ACOT7: variants seen among roughly 807,000 people sequenced by gnomAD.
ACOT7 encodes the protein acyl-CoA thioesterase 7.
Under a neutral mutation model 40.2 loss-of-function variants are expected in ACOT7, and 12 were observed. The ratio of observed to expected loss-of-function variants is 0.30; its 90% CI spans 0.19 to 0.48. The LOEUF (loss-of-function observed/expected upper bound fraction) is 0.48. Ranked by LOEUF, ACOT7 falls within the 20% of genes least tolerant of loss-of-function variation. The probability of loss-of-function intolerance (pLI) is 0.99; values close to 1 mark genes in which losing one functional copy is unlikely to be tolerated. For synonymous variants in ACOT7, 228 were observed against 219.5 expected (o/e 1.04, Z -0.34); for missense variants, 395 against 530.8 (o/e 0.74, Z 2.51).
chr1:6,284,189 C>G (rs1251872834), intron 7 of ACOT7, among the ~76,000 whole-genome samples: 1 of 152,164 alleles, frequency 6.6e-6, no homozygotes, highest in African/African-American at 2.4e-5. Context: ...CAAGGTCTCA[C>G]AGGCAGCCTC....
At chr1:6,356,404 A>T (rs1447580473) in intron 1 of ACOT7, among the ~76,000 whole-genome samples, 8 of 152,002 alleles carry the variant, frequency 5.3e-5, no homozygotes, top group Non-Finnish European at 1.2e-4. Context: ...CAGCACCCTC[A>T]GCCCTGCCCA....
In ACOT7 at chr1:6,287,651, T is replaced by C. The variant is rs1160886664; in HGVS notation, c.830-6365A>G. 2.0e-5 allele frequency among the ~76,000 whole-genome samples: 3 copies of C among 152,256 alleles called. No homozygotes were observed. In the East Asian group the frequency reaches 5.8e-4, roughly 29 times the overall value. ...GTGAGCGCTGGCAGGTACCCCAGCC[T>C]GACTCCCCCAGCAGACGGGCGTCTC... On this transcript the variant is annotated intron_variant, in intron 7 of 8. Coordinates refer to ENST00000361521, the MANE Select transcript of ACOT7 (RefSeq NM_007274.4).
At chr1:6,363,431 C>T (rs924944502) in intron 1 of ACOT7, among the ~76,000 whole-genome samples, 2 of 152,158 alleles carry the variant, frequency 1.3e-5, no homozygotes. Context: ...TCAGTCAGGC[C>T]TGCCCGCAGT....
intron 1 of ACOT7, among the ~76,000 whole-genome samples, chr1:6,366,092 C>T (rs1642004778): frequency 6.6e-6 from 1 of 151,900 alleles, no homozygotes; most frequent in South Asian, 2.1e-4. Context: ...GACAGGGTCT[C>T]ACTATGTTGG....
At chr1:6,343,195 AGTCACTTCAAG>A (rs1280822685) in intron 2 of ACOT7, among the ~76,000 whole-genome samples, 1 of 152,206 alleles carries the variant, frequency 6.6e-6, no homozygotes, top group African/African-American at 2.4e-5. Flanking sequence ...AGTATGTGGC[AGTCACTTCAAG>A]CCCTGGTGTG....
chr1:6,380,317 C>T (rs1204428530), intron 1 of ACOT7, among the ~76,000 whole-genome samples: 2 of 150,948 alleles, frequency 1.3e-5, no homozygotes, highest in Non-Finnish European at 3.0e-5. Context: ...AAACACCTTT[C>T]GGCCGGGTGT....
intron 1 of ACOT7, among the ~76,000 whole-genome samples, chr1:6,389,370 C>T (rs1642496436): frequency 6.6e-6 from 1 of 152,096 alleles, no homozygotes; most frequent in East Asian, 1.9e-4. Flanking sequence ...GCCAAGGTCC[C>T]CCTCCATCAG....
chr1:6,354,353 G>A (rs949746770), intron 1 of ACOT7, among the ~76,000 whole-genome samples: 1 of 152,050 alleles, frequency 6.6e-6, no homozygotes, highest in Admixed American at 6.5e-5. Context: ...AGAAGGCTAC[G>A]AGGAGAGGGA....
chr1:6,329,302 AAAAGAAGC>A (rs1406105673), intron 4 of ACOT7, among the ~76,000 whole-genome samples: 1 of 152,246 alleles, frequency 6.6e-6, no homozygotes, highest in Non-Finnish European at 1.5e-5. Flanking sequence ...GCGTTTGTTC[AAAAGAAGC>A]AAACTGTGGG....
At chr1:6,371,146 C>T (rs1472347267) in intron 1 of ACOT7, among the ~76,000 whole-genome samples, 2 of 152,092 alleles carry the variant, frequency 1.3e-5, no homozygotes, top group Non-Finnish European at 2.9e-5. Context: ...TTTTTCTGAG[C>T]AGTAGGTCTC....
intron 2 of ACOT7, among the ~76,000 whole-genome samples, chr1:6,346,985 C>T (rs1051180963): frequency 2.6e-5 from 4 of 152,090 alleles, no homozygotes; most frequent in Non-Finnish European, 5.9e-5. Flanking sequence ...ACAGGAGTGT[C>T]GTTTTTTTGC....
intron 5 of ACOT7, among the ~76,000 whole-genome samples, chr1:6,325,531 A>G (rs892837512): frequency 1.3e-5 from 2 of 152,126 alleles, no homozygotes; most frequent in Non-Finnish European, 2.9e-5. Flanking sequence ...ATGAAAAGAG[A>G]GGAAACCTAC....
chr1:6,305,433 G>C lies in ACOT7; in HGVS notation c.713-10453C>G, dbSNP rs543484150. 4.8e-3 allele frequency among the ~76,000 whole-genome samples: 734 copies of C among 151,478 alleles called. 3 individuals are homozygous for C. The highest frequency in any genetic ancestry group is 9.1e-3 in the Admixed American group (138 of 15,240). On this transcript the variant is annotated intron_variant, in intron 6 of 8. Coordinates refer to ENST00000361521, the MANE Select transcript of ACOT7 (RefSeq NM_007274.4). ...GCTGACCCCCACCTCCCTCCCGGACGGGGTGGCTGCCGGGTGGAGACGCTC... is the reference window on the plus strand; with the variant it reads ...GCTGACCCCCACCTCCCTCCCGGACCGGGTGGCTGCCGGGTGGAGACGCTC...
At chr1:6,386,429 G>A (rs1468118742) in intron 1 of ACOT7, among the ~76,000 whole-genome samples, 4 of 152,162 alleles carry the variant, frequency 2.6e-5, no homozygotes, top group African/African-American at 7.2e-5. Flanking sequence ...CCCCAAAACA[G>A]TCAGCTCAGG....
chr1:6,370,203 C>T (rs1034324554), intron 1 of ACOT7, among the ~76,000 whole-genome samples: 5 of 152,152 alleles, frequency 3.3e-5, no homozygotes, highest in African/African-American at 1.2e-4. Context: ...ACCAGCTTCC[C>T]TTCCCCTTCT....
In ACOT7 at chr1:6,338,014, A is replaced by AG. The variant is rs948331986; in HGVS notation, c.418+1418_418+1419insC. On this transcript the variant is annotated intron_variant, in intron 3 of 8. Coordinates refer to ENST00000361521, the MANE Select transcript of ACOT7 (RefSeq NM_007274.4). This position sits in a 1 kb window ranked among gnomAD's most constrained non-coding sequence, Gnocchi z 4.4. ...AGACACCATCTCAAAAAAAAAAAAA[A>AG]AAAAAAAAAGAAACCTGCTCTTCAG... Among the ~76,000 whole-genome samples, 1 of 151,434 alleles carries AG rather than the reference A, an allele frequency of 6.6e-6. No homozygotes were observed. Among genetic ancestry groups the AG allele is most frequent in the Non-Finnish European group, 1.5e-5 (1 of 67,778 alleles).
At chr1:6,325,800 T>C (rs568179114) in intron 5 of ACOT7, among the ~76,000 whole-genome samples, 76 of 152,252 alleles carry the variant, frequency 5.0e-4, no homozygotes, top group Non-Finnish European at 9.4e-4. Context: ...ACCAGTCCCC[T>C]TTGGTGCTTA....
intron 2 of ACOT7, among the ~76,000 whole-genome samples, chr1:6,339,953 G>GT (rs577100436): frequency 2.8e-5 from 4 of 141,892 alleles, no homozygotes; most frequent in South Asian, 2.2e-4. Flanking sequence ...CTAATTTTTT[G>GT]TTTTTTTGTT....
intron 3 of ACOT7, among the ~76,000 whole-genome samples, chr1:6,337,443 T>C (rs1641136809): frequency 9.2e-5 from 14 of 152,258 alleles, no homozygotes; most frequent in Admixed American, 9.2e-4. Context: ...CAGTTCTTCC[T>C]GGTCGCCTCT....
Sources: allele counts gnomAD v4.1 joint callset (sites outside exome capture counted in the v4.1 genomes callset), GRCh38; gene constraint gnomAD v4.1.1; non-coding constraint Gnocchi (gnomAD v3.1); transcripts MANE v1.5; gene names NCBI Gene and HGNC (gene_info 2026-07-23, HGNC 2026-07-21).